The following GRM4 variants were observed in gnomAD, a reference collection of about 807,000 sequenced individuals.
The protein encoded by GRM4 is metabotropic glutamate receptor 4.
In GRM4, 28 loss-of-function variants were observed where a neutral mutation model predicts 81.7. The observed-to-expected ratio is 0.34, with a 90% CI of 0.25 to 0.47. GRM4 has a LOEUF of 0.47. GRM4 is among the 20% of genes least tolerant of loss of function. The probability of loss-of-function intolerance (pLI) is 1.00; values close to 1 mark genes in which losing one functional copy is unlikely to be tolerated. For missense variants in GRM4, 948 were observed against 1,290.0 expected (o/e 0.73, Z 4.06); for synonymous variants, 488 against 528.8 (o/e 0.92, Z 1.06).
Position 34,042,648 on chromosome 6 carries a change from G to A in GRM4, c.1169-1900C>T, listed in dbSNP as rs1381576180. On this transcript the variant is annotated intron_variant, in intron 6 of 10. Coordinates refer to ENST00000538487, the MANE Select transcript of GRM4 (RefSeq NM_000841.4). The surrounding 1 kb of genome is among the most constrained non-coding windows in gnomAD (Gnocchi z 4.2). ...ACTGCACAGAGGCAATTCCCCAGAG[G>A]GCAGCAGGGTGCACACCTGCACCTG... Among the ~76,000 whole-genome samples, 1 of 152,162 alleles carries A rather than the reference G, an allele frequency of 6.6e-6. No individual in the cohort carries two copies. Among genetic ancestry groups the A allele is most frequent in the Non-Finnish European group, 1.5e-5 (1 of 68,008 alleles).
intron 1 of GRM4, among the ~76,000 whole-genome samples, chr6:34,138,962 A>G (rs55879729): frequency 0.021 from 3,248 of 152,330 alleles, 61 homozygotes; most frequent in African/African-American, 0.051. Context: ...CAGGGAAACT[A>G]AGGATTGATT....
In GRM4 at chr6:34,044,163, C is replaced by CACAT. The variant is rs1194537552; in HGVS notation, c.1169-3416_1169-3415insATGT. On this transcript the variant is annotated intron_variant, in intron 6 of 10. Transcript: ENST00000538487. ...ACATACATACACATATATACACATA[C>CACAT]ACACACATATACATACATACACATA... 1.1e-3 allele frequency among the ~76,000 whole-genome samples: 146 copies of CACAT among 136,110 alleles called. 3 individuals carry two copies. In the East Asian group the frequency reaches 0.023, roughly 21 times the overall value. 89.3% of individuals were successfully genotyped at this position (136,110 alleles called of 152,430 possible).
At chr6:34,083,582 AGAAAGCCCT>A (rs1366045541) in intron 3 of GRM4, among the ~76,000 whole-genome samples, 1 of 152,172 alleles carries the variant, frequency 6.6e-6, no homozygotes, top group Non-Finnish European at 1.5e-5. Context: ...TCTTGGGTCT[AGAAAGCCCT>A]GGTTGATAGG....
chr6:34,070,181 C>T lies in GRM4; in HGVS notation c.737-8153G>A, dbSNP rs143920983. On this transcript the variant is annotated intron_variant, in intron 3 of 10. Coordinates refer to ENST00000538487, the MANE Select transcript of GRM4 (RefSeq NM_000841.4). This position sits in a 1 kb window ranked among gnomAD's most constrained non-coding sequence, Gnocchi z 4.6. ...GACCTCCCCTCTGAGCTGCCACCTC[C>T]TTACATGCACAGCCACTGGACACCC... Among the ~76,000 whole-genome samples, 1 of 152,248 alleles carries T rather than the reference C, an allele frequency of 6.6e-6. No homozygotes were observed. The highest frequency in any genetic ancestry group is 1.9e-4 in the East Asian group (1 of 5,154).
intron 3 of GRM4, among the ~76,000 whole-genome samples, chr6:34,087,017 C>T (rs1292434158): frequency 3.3e-5 from 5 of 151,726 alleles, no homozygotes; most frequent in East Asian, 1.9e-4. Context: ...TCCAGCTACT[C>T]GGGAGGCTGA....
rs1012256323 is a variant in GRM4 at position 34,136,562 on chromosome 6, G to A, written c.-363-2703C>T. 2.1e-3 allele frequency among the ~76,000 whole-genome samples: 118 copies of A among 56,526 alleles called. No homozygotes were observed. Among genetic ancestry groups the A allele is most frequent in the Non-Finnish European group, 2.6e-3 (78 of 30,078 alleles). The allele number at this position is 56,526 out of a possible 152,430, so 37.1% of individuals were successfully genotyped here. A position where few individuals can be genotyped will look rare whatever the true frequency, so the allele number is the denominator to read the frequency against. ...GGCTGAGCAGTGCATGCGCGCGTGCGGACACACACACACACACACACACAC... is the reference window on the plus strand; with the variant it reads ...GGCTGAGCAGTGCATGCGCGCGTGCAGACACACACACACACACACACACAC... On this transcript the variant is annotated intron_variant, in intron 1 of 10. Transcript: ENST00000538487. This position sits in a 1 kb window ranked among gnomAD's most constrained non-coding sequence, Gnocchi z 4.1.
At chr6:34,104,905 C>T (rs1769043477) in intron 2 of GRM4, among the ~76,000 whole-genome samples, 1 of 152,088 alleles carries the variant, frequency 6.6e-6, no homozygotes, top group Admixed American at 6.5e-5. Context: ...CTCACACAGG[C>T]CGTGGGAGGC....
chr6:34,153,337 C>A (rs1044338628), intron 1 of GRM4, among the ~76,000 whole-genome samples: 1 of 152,222 alleles, frequency 6.6e-6, no homozygotes, highest in African/African-American at 2.4e-5. Flanking sequence ...GCCTCAGTCC[C>A]TGCCCCAGAT....
At chr6:34,028,774 C>CCT (rs1764265561) in intron 9 of GRM4, among the ~76,000 whole-genome samples, 1 of 152,146 alleles carries the variant, frequency 6.6e-6, no homozygotes, top group Admixed American at 6.5e-5. Flanking sequence ...TCTCAGGAGA[C>CCT]CACAGCTGGC....
chr6:34,027,838 C>T (rs528405972), intron 10 of GRM4, among the ~76,000 whole-genome samples: 1 of 152,302 alleles, frequency 6.6e-6, no homozygotes, highest in Non-Finnish European at 1.5e-5. Flanking sequence ...GGCACAGATC[C>T]CTGGAAGGGC....
chr6:34,040,118 C>G, intron 8 of GRM4, 60 bp downstream of exon 8: 2 of 1,545,776 alleles, frequency 1.3e-6, no homozygotes, highest in Admixed American at 1.7e-5. Context: ...CTTGGGCCCC[C>G]CTCCCAGGGG....
rs113378411 is a variant in GRM4 at position 34,080,187 on chromosome 6, C to T, written c.736+11696G>A. Among the ~76,000 whole-genome samples the T allele has an allele frequency of 3.0e-4, 45 of 152,348 alleles. No homozygotes were observed. Among genetic ancestry groups the T allele is most frequent in the African/African-American group, 1.1e-3 (45 of 41,582 alleles). On this transcript the variant is annotated intron_variant, in intron 3 of 10. Coordinates refer to ENST00000538487, the MANE Select transcript of GRM4 (RefSeq NM_000841.4). This position sits in a 1 kb window ranked among gnomAD's most constrained non-coding sequence, Gnocchi z 5.4. ...CTCCACCTGGCTAATGCCCTCGCTG[C>T]AGCTGGGGATCTGCCAAAAGTCACC...
upstream of GRM4, among the ~76,000 whole-genome samples, chr6:34,147,126 C>A (rs1770953193): frequency 1.3e-5 from 2 of 152,226 alleles, no homozygotes; most frequent in African/African-American, 4.8e-5. Flanking sequence ...CATGTAATGA[C>A]CCAAATACAT....
At chr6:34,100,334 C>G (rs1431325461) in intron 2 of GRM4, among the ~76,000 whole-genome samples, 1 of 152,250 alleles carries the variant, frequency 6.6e-6, no homozygotes, top group Non-Finnish European at 1.5e-5. Flanking sequence ...CCCGTATAAC[C>G]TATGGCCCCC....
At chr6:34,119,523 G>A (rs186670519) in intron 2 of GRM4, among the ~76,000 whole-genome samples, 8 of 152,320 alleles carry the variant, frequency 5.3e-5, no homozygotes, top group Middle Eastern at 3.4e-3. Context: ...AGGGCACCAC[G>A]GCACCAGCCC....
upstream of GRM4, among the ~76,000 whole-genome samples, chr6:34,149,231 G>A (rs922624827): frequency 3.3e-5 from 5 of 152,300 alleles, no homozygotes; most frequent in East Asian, 5.8e-4. Flanking sequence ...GAGCCTGGAG[G>A]TGCAGATTCC....
chr6:34,106,184 G>A (rs556318977), intron 2 of GRM4, among the ~76,000 whole-genome samples: 43 of 152,248 alleles, frequency 2.8e-4, no homozygotes, highest in African/African-American at 1.0e-3. Context: ...GGAGGCCGAG[G>A]CAGGTGGATC....
intron 8 of GRM4, among the ~76,000 whole-genome samples, chr6:34,037,840 C>T (rs994251127): frequency 1.7e-4 from 23 of 134,520 alleles, no homozygotes; most frequent in Non-Finnish European, 3.2e-4. Flanking sequence ...TCCAGCCTGA[C>T]GACAGAGCAA....
chr6:34,056,415 C>T, intron 6 of GRM4, 129 bp downstream of exon 6: 1 of 799,996 alleles, frequency 1.3e-6, no homozygotes, highest in Non-Finnish European at 2.0e-6. Flanking sequence ...CAGGTGCAGG[C>T]CCAACTGCAC....
Sources: gnomAD v4.1 joint callset for allele counts (sites outside exome capture counted in the v4.1 genomes callset) on GRCh38, gnomAD v4.1.1 for gene constraint, Gnocchi (gnomAD v3.1) non-coding constraint, MANE v1.5 for transcripts, NCBI Gene and HGNC (gene_info 2026-07-23, HGNC 2026-07-21) for gene names.